LPCAT1: variants seen among roughly 807,000 people sequenced by gnomAD.
LPCAT1 encodes the protein lysophosphatidylcholine acyltransferase 1.
Under a neutral mutation model 60.9 loss-of-function variants are expected in LPCAT1, and 23 were observed. The ratio of observed to expected loss-of-function variants is 0.38; its 90% confidence interval spans 0.27 to 0.53. The LOEUF is 0.53. LPCAT1 is among the 20% of genes least tolerant of loss of function. The pLI, the probability that LPCAT1 is intolerant of heterozygous loss-of-function variation, is 0.82. For missense variants in LPCAT1, 622 were observed against 723.6 expected, an observed-to-expected ratio of 0.86 and a Z score of 1.61; for synonymous variants, 340 against 301.1, an observed-to-expected ratio of 1.13 and a Z score of -1.34.
intron 5 of LPCAT1, 78 bp downstream of exon 5, chr5:1,488,313 A>C: frequency 1.1e-6 from 1 of 896,020 alleles, no homozygotes; most frequent in Non-Finnish European, 1.8e-6. Flanking sequence ...TTATGTGCAC[A>C]GCACATTATT....
At chr5:1,518,319 C>T (rs1223269861) in intron 1 of LPCAT1, among the ~76,000 whole-genome samples, 4 of 152,194 alleles carry the variant, frequency 2.6e-5, no homozygotes, top group East Asian at 3.9e-4. Flanking sequence ...TTGCTTGTCC[C>T]GGGCACAGTA....
intron 3 of LPCAT1, among the ~76,000 whole-genome samples, chr5:1,494,423 G>C (rs572985841): frequency 2.0e-5 from 3 of 151,226 alleles, no homozygotes; most frequent in Admixed American, 2.0e-4. Context: ...GTGGGGGGGG[G>C]GTCCCTCACT....
chr5:1,463,877 G>A (rs754666194), intron 13 of LPCAT1, 42 bp from the exon 14 acceptor site: 8 of 1,599,558 alleles, frequency 5.0e-6, no homozygotes, highest in South Asian at 1.1e-5. Context: ...ATGGGGACGA[G>A]CAAATGTCTA....
Position 1,494,716 on chromosome 5 carries a change from G to A in LPCAT1, c.477C>T (p.Asp159=). 6.2e-7 allele frequency: 1 copy of A among 1,614,224 alleles called. No homozygotes were observed. Among genetic ancestry groups the A allele is most frequent in the Non-Finnish European group, 8.5e-7 (1 of 1,180,022 alleles). Residue 159 remains aspartate, a synonymous_variant, in exon 3 of 14, where the codon GAC becomes GAT. Coordinates refer to ENST00000283415, the MANE Select transcript of LPCAT1 (RefSeq NM_024830.5). ...CTCACTCACTTCCCCAGATCGGGATGTCTCTGCTCTCTGCCTTCATCACGA... is the reference window on the plus strand; with the variant it reads ...CTCACTCACTTCCCCAGATCGGGATATCTCTGCTCTCTGCCTTCATCACGA... The part of the protein sequence containing the change: ...SSIVMKAESR[D]IPIWGTLIQY...
chr5:1,498,377 T>C (rs1735868490), intron 2 of LPCAT1, among the ~76,000 whole-genome samples: 1 of 152,198 alleles, frequency 6.6e-6, no homozygotes, highest in South Asian at 2.1e-4. Flanking sequence ...GGAGCTTTCA[T>C]CAGTGCTGCT....
At chr5:1,500,844 G>GCACAC (rs1735977842) in intron 2 of LPCAT1, among the ~76,000 whole-genome samples, 2 of 152,252 alleles carry the variant, frequency 1.3e-5, no homozygotes, top group African/African-American at 4.8e-5. Context: ...CCTCATTGCT[G>GCACAC]CTGCTCTCAC....
intron 11 of LPCAT1, 61 bp from the exon 12 acceptor site, chr5:1,470,985 G>C (rs911100796): frequency 5.1e-6 from 7 of 1,383,948 alleles, no homozygotes; most frequent in Non-Finnish European, 7.1e-6. Flanking sequence ...GAAACGCCAG[G>C]GTTTCCCATG....
chr5:1,462,153 T>C lies in LPCAT1; in HGVS notation c.*1498A>G, dbSNP rs1734122578. ...AGTAAACATTTTTTCCCGTACTTAC[T>C]GGCCTTGGTGGTCACTTTCTATAGA... On this transcript the variant is annotated 3_prime_UTR_variant, in exon 14 of 14. Coordinates refer to ENST00000283415, the MANE Select transcript of LPCAT1 (RefSeq NM_024830.5). 6.6e-6 allele frequency: 1 copy of C among 152,612 alleles called. No homozygotes were observed. Among genetic ancestry groups the C allele is most frequent in the Non-Finnish European group, 1.5e-5 (1 of 68,050 alleles). The allele number at this position is 152,612 out of a possible 1,614,324, so 9.5% of individuals were successfully genotyped here. A position where few individuals can be genotyped will look rare whatever the true frequency, so the allele number is the denominator to read the frequency against.
At position 1,461,974 on chromosome 5, in the gene LPCAT1, C is replaced by G. The variant is rs1734115203; in HGVS notation, c.*1677G>C. On this transcript the variant is annotated 3_prime_UTR_variant, in exon 14 of 14. Coordinates refer to ENST00000283415, the MANE Select transcript of LPCAT1 (RefSeq NM_024830.5). ...TTCTGTGTCCAACACGCCAAGAGCC[C>G]TGAAATTGACTTCGGTTTACTCCAT... 1 of 152,460 alleles carries G rather than the reference C, an allele frequency of 6.6e-6. No individual in the cohort carries two copies. The highest frequency in any genetic ancestry group is 2.4e-5 in the African/African-American group (1 of 41,432). 9.4% of individuals were successfully genotyped at this position (152,460 alleles called of 1,614,324 possible).
At chr5:1,463,898 G>T in intron 13 of LPCAT1, 63 bp from the exon 14 acceptor site, 1 of 1,567,536 alleles carries the variant, frequency 6.4e-7, no homozygotes, top group Non-Finnish European at 8.7e-7. Flanking sequence ...GGATTTGGAG[G>T]CTCTTTTCCC....
chr5:1,488,255 G>A (rs1735444354), intron 5 of LPCAT1, 136 bp downstream of exon 5: 1 of 524,500 alleles, frequency 1.9e-6, no homozygotes, highest in Admixed American at 3.6e-5. Flanking sequence ...CTTTTCTTAG[G>A]AATACCTCTA....
At chr5:1,465,125 CACAAA>C (rs1560944590) in intron 13 of LPCAT1, among the ~76,000 whole-genome samples, 1 of 141,102 alleles carries the variant, frequency 7.1e-6, no homozygotes, top group East Asian at 2.1e-4. Flanking sequence ...TGCACACACA[CACAAA>C]ACAAGCGCAG....
At chr5:1,514,974 C>G (rs1291109440) in intron 1 of LPCAT1, among the ~76,000 whole-genome samples, 3 of 152,216 alleles carry the variant, frequency 2.0e-5, no homozygotes, top group African/African-American at 7.2e-5. Flanking sequence ...CGTGGCATTT[C>G]TAGCTGCTTG....
chr5:1,504,133 G>C (rs1019994701), intron 1 of LPCAT1, among the ~76,000 whole-genome samples: 1 of 152,174 alleles, frequency 6.6e-6, no homozygotes, highest in Non-Finnish European at 1.5e-5. Flanking sequence ...GTTATTTTCA[G>C]AAATACCTTA....
chr5:1,465,777 A>G (rs1250604473), intron 13 of LPCAT1, among the ~76,000 whole-genome samples: 1 of 72,040 alleles, frequency 1.4e-5, no homozygotes, highest in Non-Finnish European at 3.0e-5. Context: ...CACACACGGT[A>G]AACATGCACA....
intron 1 of LPCAT1, among the ~76,000 whole-genome samples, chr5:1,520,866 AAAAAAAAAAAAAAG>A (rs974460767): frequency 6.6e-5 from 10 of 150,630 alleles, no homozygotes; most frequent in African/African-American, 2.4e-4. Flanking sequence ...GTCTCAAAAA[AAAAAAAAAAAAAAG>A]AAAAAGAAAA....
intron 1 of LPCAT1, among the ~76,000 whole-genome samples, chr5:1,506,414 G>C (rs547081085): frequency 6.6e-6 from 1 of 152,168 alleles, no homozygotes; most frequent in Non-Finnish European, 1.5e-5. Context: ...CTATGACCCC[G>C]CACCTTCTGC....
intron 1 of LPCAT1, among the ~76,000 whole-genome samples, chr5:1,504,219 GCCTTTT>G (rs1736113050): frequency 6.6e-6 from 1 of 152,252 alleles, no homozygotes; most frequent in Non-Finnish European, 1.5e-5. Flanking sequence ...CTAAGGGGCA[GCCTTTT>G]CCTTTATTTG....
Position 1,486,176 on chromosome 5 carries a change from C to T in LPCAT1, c.667+2215G>A, listed in dbSNP as rs549651503. The stretch of plus-strand genomic sequence containing the variant: ...GCCCCACATGGGCCTGTTTCAGGAG[C>T]AACTCAATCCCTGCAGAGCCCTGAG... On this transcript the variant is annotated intron_variant, in intron 5 of 13. Coordinates refer to ENST00000283415, the MANE Select transcript of LPCAT1 (RefSeq NM_024830.5). Among the ~76,000 whole-genome samples, 60 of 152,284 alleles carry T rather than the reference C, an allele frequency of 3.9e-4. No homozygotes were observed. In the Middle Eastern group the frequency reaches 0.01, roughly 26 times the overall value.
Sources: gnomAD v4.1 joint callset for allele counts (sites outside exome capture counted in the v4.1 genomes callset) on GRCh38, gnomAD v4.1.1 for gene constraint, MANE v1.5 for transcripts, NCBI Gene and HGNC (gene_info 2026-07-23, HGNC 2026-07-21) for gene names.